The following CSMD1 variants were observed in gnomAD, a reference collection of about 807,000 sequenced individuals.
CSMD1 encodes the protein CUB and sushi domain-containing protein 1.
Under a neutral mutation model 417.5 loss-of-function variants are expected in CSMD1, and 213 were observed. That is an observed-to-expected ratio of 0.51 (90% CI 0.46 to 0.57). The LOEUF (loss-of-function observed/expected upper bound fraction) is 0.57, where lower values mean the gene tolerates loss of function less well. Among genes scored for constraint, CSMD1 ranks in the 20% least tolerant of loss-of-function variants. The pLI, the probability that CSMD1 is intolerant of heterozygous loss-of-function variation, is 0.00. For synonymous variants in CSMD1, 2,862 were observed against 1,736.8 expected, an observed-to-expected ratio of 1.65 and a Z score of -16.11; for missense variants, 6,923 against 4,529.7, an observed-to-expected ratio of 1.53 and a Z score of -15.17.
In CSMD1 at chr8:3,188,973, T is replaced by C. The variant is rs1288676376; in HGVS notation, c.5437A>G (p.Ile1813Val). The change falls in exon 35 of 70, where the codon ATC (isoleucine) becomes GTC (valine). Residue 1813 changes from isoleucine to valine, a missense_variant. Physicochemically the swap from Ile to Val is conservative, Grantham distance 29. Coordinates refer to ENST00000635120, the MANE Select transcript of CSMD1 (RefSeq NM_033225.6). ...SGNFTQRRGT[I>V]LSPGYPEPYG... The stretch of plus-strand genomic sequence containing the variant: ...GGCTCAGGGTAGCCGGGGGACAGGA[T>C]TGTACCTCTTCGTTGAGTGAAATTG... 8 of 1,613,470 alleles carry C rather than the reference T, an allele frequency of 5.0e-6. No homozygotes were observed. Among genetic ancestry groups the C allele is most frequent in the African/African-American group, 1.3e-5 (1 of 75,036 alleles).
At chr8:4,392,847 A>C (rs973461426) in intron 3 of CSMD1, among the ~76,000 whole-genome samples, 2 of 151,828 alleles carry the variant, frequency 1.3e-5, no homozygotes, top group Admixed American at 6.6e-5. Flanking sequence ...AGGCACCTGT[A>C]ATCCCAGCTA....
intron 5 of CSMD1, among the ~76,000 whole-genome samples, chr8:3,837,932 A>C (rs1563130869): frequency 6.6e-6 from 1 of 152,124 alleles, no homozygotes; most frequent in Non-Finnish European, 1.5e-5. Context: ...TGTTTTTCAA[A>C]TAAATGTCCT....
chr8:3,096,828 A>C, intron 47 of CSMD1, 21 bp downstream of exon 47: 1 of 1,502,770 alleles, frequency 6.7e-7, no homozygotes, highest in Non-Finnish European at 9.0e-7. Flanking sequence ...TCACTGCTCT[A>C]CAAAGATTAA....
chr8:4,178,994 C>T (rs1018954034), intron 3 of CSMD1, among the ~76,000 whole-genome samples: 1 of 151,962 alleles, frequency 6.6e-6, no homozygotes, highest in African/African-American at 2.4e-5. Context: ...TGAAAATGGC[C>T]ATACTGCCCA....
Position 3,990,780 on chromosome 8 carries a change from T to G in CSMD1, c.818+7123A>C, listed in dbSNP as rs2554578. On this transcript the variant is annotated intron_variant, in intron 5 of 69. Transcript: ENST00000635120. ...CCTGCTGGTGAGTCCATCCCTTTCATGAGGAAGGAGAGGGGAGGGCAGGAA... is the reference window on the plus strand; with the variant it reads ...CCTGCTGGTGAGTCCATCCCTTTCAGGAGGAAGGAGAGGGGAGGGCAGGAA... 3.4e-4 allele frequency among the ~76,000 whole-genome samples: 52 copies of G among 151,842 alleles called. 2 individuals are homozygous for G. In the South Asian group the frequency reaches 1.0e-2, roughly 29 times the overall value.
chr8:4,750,002 A>T (rs1554468457), intron 1 of CSMD1, among the ~76,000 whole-genome samples: 1 of 147,764 alleles, frequency 6.8e-6, no homozygotes, highest in Non-Finnish European at 1.5e-5. Flanking sequence ...TGAAAAAAAA[A>T]TAATAATTAT....
chr8:3,983,224 G>T (rs932102819), intron 5 of CSMD1, among the ~76,000 whole-genome samples: 1 of 148,686 alleles, frequency 6.7e-6, no homozygotes, highest in Non-Finnish European at 1.5e-5. Flanking sequence ...TCCACCTCCC[G>T]GGTTCACGCC....
At chr8:4,335,910 C>A (rs766152437) in intron 3 of CSMD1, among the ~76,000 whole-genome samples, 1 of 151,990 alleles carries the variant, frequency 6.6e-6, no homozygotes, top group Non-Finnish European at 1.5e-5. Flanking sequence ...GCAATATGAT[C>A]AAAAATAGTG....
intron 5 of CSMD1, among the ~76,000 whole-genome samples, chr8:3,940,132 T>G (rs959041447): frequency 6.6e-6 from 1 of 152,162 alleles, no homozygotes; most frequent in African/African-American, 2.4e-5. Context: ...TAAATAGTAC[T>G]ACTATACAAG....
intron 5 of CSMD1, among the ~76,000 whole-genome samples, chr8:3,763,549 A>G (rs1798121205): frequency 6.6e-6 from 1 of 152,180 alleles, no homozygotes; most frequent in Admixed American, 6.5e-5. Flanking sequence ...GGCCCTTACC[A>G]GAAGCCAAGC....
At chr8:4,205,649 T>C (rs769951743) in intron 3 of CSMD1, among the ~76,000 whole-genome samples, 7 of 152,064 alleles carry the variant, frequency 4.6e-5, no homozygotes, top group African/African-American at 7.3e-5. Flanking sequence ...AAGCCTCTCA[T>C]TGTAACGGCT....
intron 1 of CSMD1, among the ~76,000 whole-genome samples, chr8:4,953,181 A>G (rs1353431205): frequency 6.6e-6 from 1 of 152,214 alleles, no homozygotes; most frequent in Non-Finnish European, 1.5e-5. Context: ...AGTATAAGGT[A>G]GCACTCATTG....
chr8:3,271,169 A>G (rs144376487), intron 26 of CSMD1, among the ~76,000 whole-genome samples: 9,973 of 147,532 alleles, frequency 0.068, 454 homozygotes, highest in Middle Eastern at 0.094. Context: ...TTGAGTGAGA[A>G]TATGCGGTGT....
At chr8:3,944,409 G>T (rs1020700090) in intron 5 of CSMD1, among the ~76,000 whole-genome samples, 2 of 152,112 alleles carry the variant, frequency 1.3e-5, no homozygotes, top group African/African-American at 4.8e-5. Context: ...AACTGAGTGG[G>T]TGATTCTTCT....
At chr8:4,160,701 A>G (rs1433309954) in intron 3 of CSMD1, among the ~76,000 whole-genome samples, 1 of 152,184 alleles carries the variant, frequency 6.6e-6, no homozygotes, top group South Asian at 2.1e-4. Flanking sequence ...CCATGTCTTC[A>G]CTCTTGCCTT....
chr8:4,669,206 C>G (rs1041024194), intron 1 of CSMD1, among the ~76,000 whole-genome samples: 2 of 152,100 alleles, frequency 1.3e-5, no homozygotes, highest in Non-Finnish European at 1.5e-5. Context: ...GTCTCTCTTG[C>G]TTTTAGTTCC....
At position 3,181,169 on chromosome 8, in the gene CSMD1, T is replaced by C. The variant is rs750849000; in HGVS notation, c.5666A>G (p.Tyr1889Cys). The change falls in exon 37 of 70, where the codon TAC (tyrosine) becomes TGC (cysteine). Residue 1889 changes from tyrosine (Y) to cysteine (C), a missense_variant. Transcript: ENST00000635120. ...ACTAATGTCAGACTGGAAATGCAGG[T>C]AGAGTTGGTTGGAAGTACTGTTCAG... Reference protein sequence around the residue: ...ALLNSTSNQLYLHFQSDISVA... With the variant: ...ALLNSTSNQLCLHFQSDISVA... 2 of 1,613,798 alleles carry C rather than the reference T, an allele frequency of 1.2e-6. No individual in the cohort carries two copies. The highest frequency in any genetic ancestry group is 1.7e-6 in the Non-Finnish European group (2 of 1,179,830).
intron 3 of CSMD1, among the ~76,000 whole-genome samples, chr8:4,193,265 C>G (rs901500859): frequency 6.6e-6 from 1 of 152,118 alleles, no homozygotes; most frequent in Non-Finnish European, 1.5e-5. Flanking sequence ...TGTGAAAATA[C>G]GTTGCATCAC....
chr8:3,553,254 T>C (rs573691896), intron 10 of CSMD1, among the ~76,000 whole-genome samples: 3 of 152,188 alleles, frequency 2.0e-5, no homozygotes, highest in South Asian at 2.1e-4. Context: ...AATGTAGCCA[T>C]AGTTCGGAGC....
Sources: allele counts gnomAD v4.1 joint callset (sites outside exome capture counted in the v4.1 genomes callset), GRCh38; gene constraint gnomAD v4.1.1; transcripts MANE v1.5; gene names NCBI Gene and HGNC (gene_info 2026-07-23, HGNC 2026-07-21).